The following NBAS variants were observed in gnomAD, a reference collection of about 807,000 sequenced individuals.
NBAS encodes the protein NAG/BC035112 fusion.
A neutral mutation model predicts 302.5 loss-of-function variants in NBAS; 219 were observed. The ratio of observed to expected loss-of-function variants is 0.72; its 90% CI spans 0.65 to 0.81. The LOEUF is 0.81. Ranked by LOEUF, NBAS falls within the 30% of genes least tolerant of loss-of-function variation. The probability of loss-of-function intolerance (pLI) is 0.00; values close to 1 mark genes in which losing one functional copy is unlikely to be tolerated. For missense variants in NBAS, 2,932 were observed against 2,841.6 expected (o/e 1.03, Z -0.72); for synonymous variants, 1,118 against 1,021.6 (o/e 1.09, Z -1.80).
chr2:15,393,952 G>A (rs1318675109), intron 28 of NBAS, among the ~76,000 whole-genome samples: 2 of 152,056 alleles, frequency 1.3e-5, no homozygotes, highest in African/African-American at 4.8e-5. Flanking sequence ...CCCTGATGAG[G>A]AGAAGGGAGC....
the NBAS span, among the ~76,000 whole-genome samples, chr2:14,789,757 T>G: frequency 2.0e-5 from 3 of 152,176 alleles, no homozygotes; most frequent in Admixed American, 2.0e-4. Context: ...TACTGATCCA[T>G]TTGTTTATGG....
chr2:15,414,770 C>A (rs1276766032), intron 25 of NBAS, among the ~76,000 whole-genome samples: 1 of 151,966 alleles, frequency 6.6e-6, no homozygotes, highest in Admixed American at 6.6e-5. Context: ...CATGGTGAAA[C>A]CCTGCCTCTA....
At chr2:15,217,169 A>G (rs1463522469) in intron 48 of NBAS, among the ~76,000 whole-genome samples, 1 of 152,192 alleles carries the variant, frequency 6.6e-6, no homozygotes, top group East Asian at 1.9e-4. Context: ...TGGTTTCCTC[A>G]AGTAATTCAA....
At chr2:15,357,211 A>G (rs1239652282) in intron 32 of NBAS, among the ~76,000 whole-genome samples, 1 of 152,214 alleles carries the variant, frequency 6.6e-6, no homozygotes, top group African/African-American at 2.4e-5. Flanking sequence ...AGGTTCCAAC[A>G]TAAGTAAAAC....
intron 9 of NBAS, among the ~76,000 whole-genome samples, chr2:15,530,185 T>C (rs1663154602): frequency 6.6e-6 from 1 of 152,156 alleles, no homozygotes; most frequent in Non-Finnish European, 1.5e-5. Context: ...TTAACAGTAT[T>C]ATATTTATTC....
the NBAS span, among the ~76,000 whole-genome samples, chr2:15,121,701 G>T: frequency 6.6e-6 from 1 of 150,990 alleles, no homozygotes; most frequent in South Asian, 2.1e-4. Context: ...TTTATATCAT[G>T]TTACAGTTGT....
rs1013775989 is a variant in NBAS at position 15,550,830 on chromosome 2, G to A, written c.379+663C>T. ...TCAAACTCCTGACCTCAAGTGATCCGCCCACCTCGGCCTCCCAAAGTGCTG... is the reference window on the plus strand; with the variant it reads ...TCAAACTCCTGACCTCAAGTGATCCACCCACCTCGGCCTCCCAAAGTGCTG... On this transcript the variant is annotated intron_variant, in intron 6 of 51. Transcript: ENST00000281513. 7.2e-5 allele frequency among the ~76,000 whole-genome samples: 11 copies of A among 151,846 alleles called. No homozygotes were observed. In the South Asian group the frequency reaches 2.3e-3, roughly 32 times the overall value.
chr2:14,866,815 G>A, the NBAS span, among the ~76,000 whole-genome samples: 1 of 152,184 alleles, frequency 6.6e-6, no homozygotes, highest in Non-Finnish European at 1.5e-5. Flanking sequence ...CAGAGCCAAT[G>A]TCCATTTGAA....
chr2:15,397,601 GTTT>G (rs1675928720), intron 26 of NBAS: 16 of 612,748 alleles, frequency 2.6e-5, no homozygotes, highest in African/African-American at 5.6e-5. Context: ...AAGCACATAG[GTTT>G]CAAAGACGCT....
the NBAS span, among the ~76,000 whole-genome samples, chr2:14,957,295 G>A: frequency 1.3e-5 from 2 of 151,856 alleles, no homozygotes; most frequent in Admixed American, 6.5e-5. Context: ...GTGTGTGTGT[G>A]TGTGTGTGTG....
At chr2:14,830,987 A>T in the NBAS span, among the ~76,000 whole-genome samples, 1 of 152,178 alleles carries the variant, frequency 6.6e-6, no homozygotes, top group African/African-American at 2.4e-5. Context: ...AGCTCTCACA[A>T]GAGGTATAAG....
At chr2:15,545,331 G>A (rs1016326104) in intron 6 of NBAS, among the ~76,000 whole-genome samples, 3 of 151,952 alleles carry the variant, frequency 2.0e-5, no homozygotes, top group African/African-American at 7.3e-5. Flanking sequence ...CTATTAATAA[G>A]GGCAAAAATC....
the NBAS span, among the ~76,000 whole-genome samples, chr2:14,788,377 T>C: frequency 6.6e-6 from 1 of 152,196 alleles, no homozygotes; most frequent in African/African-American, 2.4e-5. Flanking sequence ...ACTGCATTCC[T>C]TTGGAGGAGG....
At chr2:15,408,273 G>T (rs1264676308) in intron 25 of NBAS, among the ~76,000 whole-genome samples, 1 of 152,204 alleles carries the variant, frequency 6.6e-6, no homozygotes, top group African/African-American at 2.4e-5. Flanking sequence ...GTCTGGTTAA[G>T]ATTATCCTCA....
the NBAS span, among the ~76,000 whole-genome samples, chr2:15,024,232 C>A: frequency 6.6e-6 from 1 of 151,406 alleles, no homozygotes; most frequent in East Asian, 1.9e-4. Context: ...TATTGGTTTT[C>A]TGTTTCTCCA....
chr2:15,085,690 C>T, the NBAS span, among the ~76,000 whole-genome samples: 3 of 152,294 alleles, frequency 2.0e-5, no homozygotes, highest in South Asian at 6.2e-4. Flanking sequence ...TCTTGGGGGC[C>T]TACGAAGGCC....
intron 32 of NBAS, among the ~76,000 whole-genome samples, chr2:15,363,010 C>T (rs2148331200): frequency 6.6e-6 from 1 of 152,182 alleles, no homozygotes; most frequent in South Asian, 2.1e-4. Context: ...ATTGCTTGAG[C>T]CCAGGAGTTC....
At chr2:14,794,128 A>G in the NBAS span, among the ~76,000 whole-genome samples, 1 of 152,352 alleles carries the variant, frequency 6.6e-6, no homozygotes, top group South Asian at 2.1e-4. Context: ...AGACAAAGGC[A>G]TGAATGACTA....
At chr2:15,402,067 T>A (rs1676181106) in intron 26 of NBAS, 101 bp downstream of exon 26, 11 of 1,298,824 alleles carry the variant, frequency 8.5e-6, no homozygotes, top group Non-Finnish European at 1.1e-6. Context: ...TTTTTTCACA[T>A]TCCCAAAATT....
Sources: allele counts gnomAD v4.1 joint callset (sites outside exome capture counted in the v4.1 genomes callset), GRCh38; gene constraint gnomAD v4.1.1; transcripts MANE v1.5; gene names NCBI Gene and HGNC (gene_info 2026-07-23, HGNC 2026-07-21).